USP43: variants seen among roughly 807,000 people sequenced by gnomAD.
USP43 encodes ubiquitin carboxyl-terminal hydrolase 43.
In USP43, 33 loss-of-function variants were observed where a neutral mutation model predicts 90.7. The observed-to-expected ratio is 0.36, with a 90% CI of 0.28 to 0.49. USP43 has a LOEUF of 0.49. Among genes scored for constraint, USP43 ranks in the 20% least tolerant of loss-of-function variants. The pLI, the probability that USP43 is intolerant of heterozygous loss-of-function variation, is 0.98. For synonymous variants in USP43, 598 were observed against 615.8 expected, an observed-to-expected ratio of 0.97 and a Z score of 0.43; for missense variants, 1,274 against 1,476.4, an observed-to-expected ratio of 0.86 and a Z score of 2.25.
At chr17:9,716,082 C>T (rs1280641722) in intron 14 of USP43, among the ~76,000 whole-genome samples, 1 of 143,232 alleles carries the variant, frequency 7.0e-6, no homozygotes, top group African/African-American at 2.8e-5. Flanking sequence ...TTGTTTGTGC[C>T]TGTATGTCTG....
chr17:9,691,753 TA>T (rs113272892), intron 8 of USP43, among the ~76,000 whole-genome samples: 6,536 of 149,324 alleles, frequency 0.044, 452 homozygotes, highest in African/African-American at 0.15. Context: ...TATTTTCCAT[TA>T]AAAAAAAAAT....
intron 6 of USP43, 74 bp downstream of exon 6, chr17:9,680,440 A>AC (rs1265312231): frequency 1.3e-6 from 2 of 1,542,410 alleles, no homozygotes; most frequent in Non-Finnish European, 1.8e-6. Flanking sequence ...CCTTGGGTGC[A>AC]AAGGCATAAA....
intron 1 of USP43, among the ~76,000 whole-genome samples, chr17:9,651,174 G>T (rs955654934): frequency 6.6e-6 from 1 of 151,310 alleles, no homozygotes; most frequent in African/African-American, 2.4e-5. Flanking sequence ...GCTGTTTGAT[G>T]TTTTTTTTGT....
intron 14 of USP43, among the ~76,000 whole-genome samples, chr17:9,726,828 G>A (rs1301658265): frequency 6.6e-6 from 1 of 152,208 alleles, no homozygotes; most frequent in Non-Finnish European, 1.5e-5. Context: ...GTGTGTGACT[G>A]TCCTTGCGCC....
chr17:9,656,541 C>T lies in USP43; in HGVS notation c.636+7C>T, dbSNP rs1440107596. The T allele has an allele frequency of 1.7e-5, 27 of 1,609,088 alleles. No individual in the cohort carries two copies. The highest frequency in any genetic ancestry group is 2.3e-5 in the Non-Finnish European group (27 of 1,177,914). ...AGGGCCGGTGTCGGAGAAGGTCGGT[C>T]ACTCTCAAAACAACACAATGTACTG... On this transcript the variant is annotated splice_region_variant and intron_variant, in intron 2 of 14. Transcript: ENST00000285199.
In USP43 at chr17:9,680,312, G is replaced by A; in HGVS notation, c.1051G>A (p.Asp351Asn). 6.2e-7 allele frequency: 1 copy of A among 1,613,976 alleles called. No homozygotes were observed. Among genetic ancestry groups the A allele is most frequent in the Non-Finnish European group, 8.5e-7 (1 of 1,179,880 alleles). The change falls in exon 6 of 15, where the codon GAT (aspartate) becomes AAT (asparagine). Residue 351 changes from aspartate to asparagine, a missense_variant. Asp to Asn is a conservative substitution (Grantham distance 23, BLOSUM62 1). Around this residue, in one of 6 missense-constraint regions of USP43, gnomAD observed 253 missense variants for 276.0 expected, o/e 0.92. Transcript: ENST00000285199. ...GGACCTGAATACCATCGCAGAGGGAGATAATGTGTATGCCTTTCAAGTTCC... is the reference window on the plus strand; with the variant it reads ...GGACCTGAATACCATCGCAGAGGGAAATAATGTGTATGCCTTTCAAGTTCC... ...EEDLNTIAEG[D>N]NVYAFQVPPS...
At position 9,711,702 on chromosome 17, in the gene USP43, A is replaced by G. The variant is rs533753187; in HGVS notation, c.2171-266A>G. On this transcript the variant is annotated intron_variant, in intron 13 of 14. Transcript: ENST00000285199. ...CGCCTCGGCCTCCGTAAGTGCTGGC[A>G]TTACAGGCGTGAGCCACCGCGCCCA... Among the ~76,000 whole-genome samples the G allele has an allele frequency of 2.0e-5, 3 of 152,268 alleles. No homozygotes were observed. The East Asian group carries it at 5.8e-4, about 29-fold the overall frequency.
intron 9 of USP43, among the ~76,000 whole-genome samples, chr17:9,696,668 G>A (rs907945023): frequency 1.3e-5 from 2 of 152,204 alleles, no homozygotes; most frequent in African/African-American, 4.8e-5. Context: ...AGGACCTCAA[G>A]CTAGGAACCT....
At chr17:9,694,808 T>G (rs430881) in intron 9 of USP43, among the ~76,000 whole-genome samples, 61,656 of 151,774 alleles carry the variant, frequency 0.41, 15,976 homozygotes, top group East Asian at 0.81. Context: ...ATTTTTAGTA[T>G]AGACAGGGTT....
chr17:9,728,965 A>C lies in USP43; in HGVS notation c.3347A>C (p.Lys1116Thr). ...CACACTCTTTCTTTAGGTCGAAAGA[A>C]AACCTTACCGGAGTCCAGCTTTTGA... ...KYHTLSLGRK[K>T]TLPESSF is the part of the protein sequence containing the mutation. The change falls in exon 15 of 15, where the codon AAA becomes ACA. Residue 1116 changes from lysine to threonine, a missense_variant. By Grantham distance (78) the Lys-to-Thr change is moderately conservative (BLOSUM62 -1). Around this residue, in one of 6 missense-constraint regions of USP43, gnomAD observed 353 missense variants for 329.7 expected, o/e 1.07. Transcript: ENST00000285199. The surrounding 1 kb of genome is among the most constrained non-coding windows in gnomAD (Gnocchi z 6.2). 6.3e-7 allele frequency: 1 copy of C among 1,585,138 alleles called. No homozygotes were observed. The highest frequency in any genetic ancestry group is 8.6e-7 in the Non-Finnish European group (1 of 1,162,152).
intron 1 of USP43, among the ~76,000 whole-genome samples, chr17:9,655,186 G>A (rs933002998): frequency 2.6e-5 from 4 of 151,876 alleles, no homozygotes; most frequent in East Asian, 1.9e-4. Context: ...AGTCCCTTTG[G>A]CAGGCATGAA....
At chr17:9,702,766 C>T (rs979429156) in intron 12 of USP43, among the ~76,000 whole-genome samples, 2 of 152,174 alleles carry the variant, frequency 1.3e-5, no homozygotes, top group South Asian at 2.1e-4. Context: ...TGTGGAGGGT[C>T]ATCGGGGTGA....
intron 3 of USP43, among the ~76,000 whole-genome samples, chr17:9,669,157 C>T (rs750758673): frequency 2.6e-5 from 4 of 152,138 alleles, no homozygotes; most frequent in African/African-American, 4.8e-5. Flanking sequence ...CATCTGTCTC[C>T]TCTTCAGGTG....
intron 3 of USP43, among the ~76,000 whole-genome samples, chr17:9,671,988 A>G (rs897159584): frequency 1.3e-5 from 2 of 152,068 alleles, no homozygotes; most frequent in African/African-American, 4.8e-5. Context: ...ATACTTTTTC[A>G]TTCTTTATTT....
intron 14 of USP43, among the ~76,000 whole-genome samples, chr17:9,713,129 C>T (rs1916303691): frequency 1.3e-5 from 2 of 151,974 alleles, no homozygotes; most frequent in Non-Finnish European, 2.9e-5. Flanking sequence ...CTCACTCTGT[C>T]GCAGGCTGGA....
intron 8 of USP43, among the ~76,000 whole-genome samples, chr17:9,689,353 GT>G (rs1914791132): frequency 1.3e-5 from 2 of 151,956 alleles, no homozygotes; most frequent in African/African-American, 4.8e-5. Context: ...AAAATGACCA[GT>G]TTACTGGATA....
intron 6 of USP43, among the ~76,000 whole-genome samples, chr17:9,681,139 T>TATACTATATAATATATACTATATA (rs1914162799): frequency 1.0e-5 from 1 of 96,454 alleles, no homozygotes; most frequent in African/African-American, 8.2e-5. Flanking sequence ...TACTATATAA[T>TATACTATATAATATATACTATATA]ATATACTATA....
chr17:9,721,720 A>ATTTTTTT (rs11340592), intron 14 of USP43, among the ~76,000 whole-genome samples: 1 of 119,084 alleles, frequency 8.4e-6, no homozygotes, highest in Non-Finnish European at 1.7e-5. Context: ...GTATAGCTGT[A>ATTTTTTT]TTTTTTTTTT....
rs968440522 is a variant in USP43 at position 9,728,264 on chromosome 17, C to G, written c.2646C>G (p.Ala882=). ...LPANSEDGGR[A]IERGPAGVPC... is the part of the protein sequence containing the mutation. Reference sequence around the variant, plus strand: ...CTAACAGCGAAGATGGTGGGCGGGCCATTGAAAGAGGTCCAGCCGGGGTGC... The same window carrying G: ...CTAACAGCGAAGATGGTGGGCGGGCGATTGAAAGAGGTCCAGCCGGGGTGC... The change falls in exon 15 of 15, where the codon GCC becomes GCG. Residue 882 remains alanine (A), a synonymous_variant. Coordinates refer to ENST00000285199, the MANE Select transcript of USP43 (RefSeq NM_153210.5). This position sits in a 1 kb window ranked among gnomAD's most constrained non-coding sequence, Gnocchi z 6.2. The G allele has an allele frequency of 6.2e-7, 1 of 1,613,666 alleles. No individual in the cohort carries two copies. The highest frequency in any genetic ancestry group is 2.2e-5 in the East Asian group (1 of 44,856).
Sources: allele counts gnomAD v4.1 joint callset (sites outside exome capture counted in the v4.1 genomes callset), GRCh38; gene constraint gnomAD v4.1.1; regional missense constraint gnomAD v4.1.1; non-coding constraint Gnocchi (gnomAD v3.1); transcripts MANE v1.5; gene names NCBI Gene and HGNC (gene_info 2026-07-23, HGNC 2026-07-21).